Variants in RBM26 observed in about 807,000 individuals in gnomAD.
The protein encoded by RBM26 is RNA binding motif protein 26.
RBM26 carries 30 observed loss-of-function variants against 123.6 expected under a neutral mutation model. The observed-to-expected ratio is 0.24, with a 90% CI of 0.18 to 0.33. The LOEUF (loss-of-function observed/expected upper bound fraction) is 0.33, where lower values mean the gene tolerates loss of function less well. RBM26 is among the 10% of genes least tolerant of loss of function. The pLI is 1.00. For synonymous variants in RBM26, 400 were observed against 404.4 expected, an observed-to-expected ratio of 0.99 and a Z score of 0.13; for missense variants, 947 against 1,203.6, an observed-to-expected ratio of 0.79 and a Z score of 3.15.
intron 1 of RBM26, among the ~76,000 whole-genome samples, chr13:79,384,520 G>A (rs2077325361): frequency 6.6e-6 from 1 of 152,188 alleles, no homozygotes; most frequent in South Asian, 2.1e-4. Flanking sequence ...GCCTCCCAAA[G>A]TGTTGGGATT....
intron 19 of RBM26, among the ~76,000 whole-genome samples, chr13:79,335,067 T>A (rs186521182): frequency 2.6e-5 from 4 of 152,196 alleles, no homozygotes; most frequent in African/African-American, 9.6e-5. Flanking sequence ...TGTGGGAGGA[T>A]TTTTCTACAA....
chr13:79,361,896 G>C, intron 9 of RBM26, among the ~76,000 whole-genome samples: 1 of 152,022 alleles, frequency 6.6e-6, no homozygotes. Flanking sequence ...AGTGGGGATG[G>C]GGAGAGGAAG....
intron 5 of RBM26, among the ~76,000 whole-genome samples, chr13:79,370,390 T>C (rs1486574426): frequency 6.6e-6 from 1 of 152,216 alleles, no homozygotes; most frequent in African/African-American, 2.4e-5. Context: ...AGCATAATTA[T>C]ACTGAGATTC....
At position 79,366,934 on chromosome 13, in the gene RBM26, A is replaced by G. The variant is rs188999856; in HGVS notation, c.896-62T>C. On this transcript the variant is annotated intron_variant, in intron 6 of 21. Coordinates refer to ENST00000438737, the MANE Select transcript of RBM26 (RefSeq NM_001366735.2). ...GCACTGGAAATATATATTTTCTCTAAGTTAGCAAAAGTAAAATATTTAAAA... is the reference window on the plus strand; with the variant it reads ...GCACTGGAAATATATATTTTCTCTAGGTTAGCAAAAGTAAAATATTTAAAA... 2.3e-6 allele frequency: 3 copies of G among 1,331,668 alleles called. No individual in the cohort carries two copies. The Admixed American group carries it at 7.4e-5, about 33-fold the overall frequency. 82.5% of individuals were successfully genotyped at this position (1,331,668 alleles called of 1,614,324 possible).
Position 79,399,591 on chromosome 13 carries a change from C to A in RBM26, c.71+6113G>T, listed in dbSNP as rs145371307. On this transcript the variant is annotated intron_variant, in intron 1 of 21. Transcript: ENST00000438737. ...TCTTAAAGGCAAGCTAAAAAGTATG[C>A]AATTTATTATCTGGGAATGCTGAAG... 9.4e-4 allele frequency among the ~76,000 whole-genome samples: 143 copies of A among 152,104 alleles called. 1 individual carries two copies. In the East Asian group the frequency reaches 0.018, roughly 19 times the overall value.
intron 1 of RBM26, among the ~76,000 whole-genome samples, chr13:79,393,735 G>A (rs932530923): frequency 6.6e-6 from 1 of 152,120 alleles, no homozygotes; most frequent in Non-Finnish European, 1.5e-5. Context: ...TGTGGGGGTG[G>A]GAAGGACCTT....
chr13:79,339,336 T>C (rs946319443), intron 18 of RBM26, among the ~76,000 whole-genome samples: 17 of 152,122 alleles, frequency 1.1e-4, no homozygotes, highest in African/African-American at 3.9e-4. Context: ...TCTAGAGATC[T>C]ATTGTACAGC....
chr13:79,354,575 G>T lies in RBM26; in HGVS notation c.1855-5C>A. ...CTGGACTAAAGGCTGCATTACCTCAGAACAAGGAAAAAATGTTAAACAAGT... is the reference window on the plus strand; with the variant it reads ...CTGGACTAAAGGCTGCATTACCTCATAACAAGGAAAAAATGTTAAACAAGT... On this transcript the variant is annotated splice_region_variant and splice_polypyrimidine_tract_variant and intron_variant, in intron 12 of 21. Transcript: ENST00000438737. The T allele has an allele frequency of 6.4e-7, 1 of 1,572,186 alleles. No individual in the cohort carries two copies. The highest frequency in any genetic ancestry group is 1.2e-5 in the South Asian group (1 of 84,612).
At chr13:79,349,820 C>T (rs2072957160) in intron 14 of RBM26, among the ~76,000 whole-genome samples, 1 of 151,898 alleles carries the variant, frequency 6.6e-6, no homozygotes, top group Admixed American at 6.5e-5. Context: ...CTGCCAGCCT[C>T]CCAAGTAGCT....
At position 79,377,214 on chromosome 13, in the gene RBM26, A is replaced by T. The variant is rs1566527180; in HGVS notation, c.327+165T>A. On this transcript the variant is annotated intron_variant, in intron 3 of 21. Coordinates refer to ENST00000438737, the MANE Select transcript of RBM26 (RefSeq NM_001366735.2). ...CCTTTTGCTGAAATAAGCCAGGGCCATAAGCACAATTATATGCAGAGTCCT... is the reference window on the plus strand; with the variant it reads ...CCTTTTGCTGAAATAAGCCAGGGCCTTAAGCACAATTATATGCAGAGTCCT... 1.5e-5 allele frequency: 8 copies of T among 547,776 alleles called. No individual in the cohort carries two copies. The Admixed American group carries it at 2.5e-4, about 17-fold the overall frequency. 33.9% of individuals were successfully genotyped at this position (547,776 alleles called of 1,614,324 possible).
rs1462113479 is a variant in RBM26, at chr13:79,354,463, C to A, written c.1962G>T (p.Gln654His). ...CCTGAGGAAGGTCTGAAGAGGCACT[C>A]TGGGCTTCTGCAGGTTCAATAGTAC... ...PSSTIEPAEA[Q>H]SASSDLPQNV... The change falls in exon 13 of 22, where the codon CAG (glutamine) becomes CAT (histidine). Residue 654 changes from glutamine to histidine, a missense_variant. Physicochemically the swap from Gln to His is conservative, Grantham distance 24 (BLOSUM62 0). This residue lies in a region of RBM26 where 493 missense variants were observed against 563.1 expected (regional missense o/e 0.88). Transcript: ENST00000438737. 1.3e-6 allele frequency: 2 copies of A among 1,596,778 alleles called. No homozygotes were observed. The highest frequency in any genetic ancestry group is 8.6e-7 in the Non-Finnish European group (1 of 1,168,704).
chr13:79,330,708 AC>A lies in RBM26; in HGVS notation c.2820+3635del, dbSNP rs553099024. Among the ~76,000 whole-genome samples the A allele has an allele frequency of 4.3e-3, 651 of 152,306 alleles. 3 individuals are homozygous for A. Among genetic ancestry groups the A allele is most frequent in the South Asian group, 0.02 (98 of 4,810 alleles). On this transcript the variant is annotated intron_variant, in intron 20 of 21. Transcript: ENST00000438737. ...GAATGTTAAAGCACGAGTTATGAAC[AC>A]AAATACATATAATTATATAATATAT... is the stretch of plus-strand genomic sequence containing the variant.
intron 4 of RBM26, 83 bp from the exon 5 acceptor site, chr13:79,371,245 A>C (rs1244872273): frequency 8.9e-7 from 1 of 1,121,530 alleles, no homozygotes; most frequent in Non-Finnish European, 1.3e-6. Flanking sequence ...AGTTACATTT[A>C]ATTCTTGTAA....
intron 1 of RBM26, among the ~76,000 whole-genome samples, chr13:79,386,778 C>A (rs1313869918): frequency 6.6e-6 from 1 of 151,858 alleles, no homozygotes. Context: ...CAACAGATCT[C>A]AGGTAACCCA....
At chr13:79,357,715 G>GT (rs1415235060) in intron 11 of RBM26, among the ~76,000 whole-genome samples, 1 of 152,044 alleles carries the variant, frequency 6.6e-6, no homozygotes, top group Non-Finnish European at 1.5e-5. Context: ...GAAAACTATT[G>GT]TAAGATTGGA....
intron 1 of RBM26, among the ~76,000 whole-genome samples, chr13:79,401,201 G>C (rs2079031932): frequency 6.6e-6 from 1 of 152,162 alleles, no homozygotes; most frequent in Non-Finnish European, 1.5e-5. Context: ...GGTGAGAAAG[G>C]TGTAGTAACA....
At position 79,341,237 on chromosome 13, in the gene RBM26, A is replaced by C. The variant is rs372609050; in HGVS notation, c.2428-10T>G. ...GTAATTCCTTCTGCATCTAAAAAAT[A>C]GTAATTAATATTTTAGGTGACAGTA... On this transcript the variant is annotated splice_polypyrimidine_tract_variant and intron_variant, in intron 17 of 21. Transcript: ENST00000438737. 7.7e-6 allele frequency: 12 copies of C among 1,556,452 alleles called. No homozygotes were observed. Among genetic ancestry groups the C allele is most frequent in the Non-Finnish European group, 9.7e-6 (11 of 1,132,436 alleles).
In RBM26 at chr13:79,366,171, A is replaced by G; in HGVS notation, c.1160T>C (p.Leu387Ser). 3 of 1,613,706 alleles carry G rather than the reference A, an allele frequency of 1.9e-6. No individual in the cohort carries two copies. The highest frequency in any genetic ancestry group is 2.5e-6 in the Non-Finnish European group (3 of 1,179,734). Reference protein sequence around the residue: ...VTGPPPPLPPLQPSGMDAPPN... With the variant: ...VTGPPPPLPPSQPSGMDAPPN... ...AGGAGCATCCATGCCAGATGGCTGC[A>G]AAGGAGGAAGTGGAGGTGGTGGTCC... The change falls in exon 8 of 22, where the codon TTG (leucine) becomes TCG (serine). Residue 387 changes from leucine (L) to serine (S), a missense_variant. Transcript: ENST00000438737.
intron 1 of RBM26, among the ~76,000 whole-genome samples, chr13:79,386,012 G>C (rs550069702): frequency 6.6e-6 from 1 of 151,646 alleles, no homozygotes; most frequent in South Asian, 2.1e-4. Context: ...CCCCATTTAG[G>C]TCATATCCCC....
Sources: gnomAD v4.1 joint callset for allele counts (sites outside exome capture counted in the v4.1 genomes callset) on GRCh38, gnomAD v4.1.1 for gene constraint, gnomAD v4.1.1 regional missense constraint, MANE v1.5 for transcripts, NCBI Gene and HGNC (gene_info 2026-07-23, HGNC 2026-07-21) for gene names.